The following FHIT variants were observed in gnomAD, a reference collection of about 807,000 sequenced individuals.
FHIT encodes bis(5'-adenosyl)-triphosphatase.
In FHIT, 19 loss-of-function variants were observed where a neutral mutation model predicts 17.9. The ratio of observed to expected loss-of-function variants is 1.06; its 90% CI spans 0.74 to 1.56. The LOEUF (loss-of-function observed/expected upper bound fraction) is 1.56, where lower values mean the gene tolerates loss of function less well. FHIT is among the 40% of genes most tolerant of loss of function. FHIT has a pLI of 0.00. For synonymous variants in FHIT, 81 were observed against 69.7 expected (o/e 1.16, Z -0.81); for missense variants, 248 against 189.2 (o/e 1.31, Z -1.82).
At chr3:60,967,775 A>G (rs1023467655) in intron 3 of FHIT, among the ~76,000 whole-genome samples, 1 of 152,146 alleles carries the variant, frequency 6.6e-6, no homozygotes, top group Non-Finnish European at 1.5e-5. Context: ...ATTACACTAG[A>G]CTTTCACTAT....
At chr3:59,880,676 A>C (rs1449699749) in intron 8 of FHIT, among the ~76,000 whole-genome samples, 2 of 152,204 alleles carry the variant, frequency 1.3e-5, no homozygotes, top group African/African-American at 4.8e-5. Flanking sequence ...TCACTTTATC[A>C]ATGTAAAGAG....
intron 5 of FHIT, among the ~76,000 whole-genome samples, chr3:60,330,208 G>A (rs1387015627): frequency 1.3e-5 from 2 of 152,168 alleles, no homozygotes; most frequent in East Asian, 1.9e-4. Context: ...GACAGAGCAA[G>A]TATTCCAGAC....
intron 4 of FHIT, among the ~76,000 whole-genome samples, chr3:60,781,081 C>A (rs1700371134): frequency 6.6e-6 from 1 of 152,190 alleles, no homozygotes; most frequent in Non-Finnish European, 1.5e-5. Context: ...TGCAACACCT[C>A]CAACAACTAA....
At chr3:60,065,739 A>G (rs1212028163) in intron 5 of FHIT, among the ~76,000 whole-genome samples, 1 of 152,124 alleles carries the variant, frequency 6.6e-6, no homozygotes, top group East Asian at 1.9e-4. Context: ...CCCATTGCTC[A>G]TTCCTAACAC....
intron 5 of FHIT, among the ~76,000 whole-genome samples, chr3:60,430,909 T>G (rs983791209): frequency 2.0e-5 from 3 of 151,998 alleles, no homozygotes; most frequent in South Asian, 2.1e-4. Context: ...AGATTGCTCC[T>G]TTTTCTCAGT....
In FHIT at chr3:59,749,258, G is replaced by A; in HGVS notation, c.*327C>T. The A allele has an allele frequency of 8.7e-6, 2 of 230,878 alleles. No homozygotes were observed. Among genetic ancestry groups the A allele is most frequent in the East Asian group, 1.2e-4 (2 of 16,334 alleles). The allele number at this position is 230,878 out of a possible 1,614,324, so 14.3% of individuals were successfully genotyped here. ...TTCCTTTAAAAAAGTAACTGTAACT[G>A]TAATAGGTTTGTTGCCTAATTCATG... On this transcript the variant is annotated 3_prime_UTR_variant, in exon 10 of 10. Coordinates refer to ENST00000492590, the MANE Select transcript of FHIT (RefSeq NM_002012.4).
At chr3:61,091,936 T>TAA (rs58005720) in intron 2 of FHIT, among the ~76,000 whole-genome samples, 7 of 61,292 alleles carry the variant, frequency 1.1e-4, no homozygotes, top group African/African-American at 3.7e-4. Flanking sequence ...AGACCTTGTC[T>TAA]AAAAAAAAAA....
chr3:60,911,371 G>GCACACACACACA (rs35183064), intron 3 of FHIT, among the ~76,000 whole-genome samples: 7 of 148,954 alleles, frequency 4.7e-5, no homozygotes, highest in African/African-American at 7.4e-5. Context: ...TTCTTTGCAT[G>GCACACACACACA]CACACACACA....
chr3:60,635,192 C>A (rs1249322748), intron 4 of FHIT, among the ~76,000 whole-genome samples: 1 of 152,164 alleles, frequency 6.6e-6, no homozygotes, highest in East Asian at 1.9e-4. Context: ...TTGTTAGAGT[C>A]AGAAATATAA....
chr3:61,084,939 A>G (rs6445191), intron 2 of FHIT, among the ~76,000 whole-genome samples: 4 of 151,940 alleles, frequency 2.6e-5, no homozygotes, highest in African/African-American at 7.3e-5. Context: ...TTCACTTCAC[A>G]TAATACTTTT....
intron 5 of FHIT, among the ~76,000 whole-genome samples, chr3:60,525,460 T>C (rs1364653039): frequency 6.6e-6 from 1 of 152,184 alleles, no homozygotes; most frequent in Non-Finnish European, 1.5e-5. Flanking sequence ...TTAAGATTTA[T>C]GTCATCTCTT....
chr3:60,466,136 T>G (rs2032778173), intron 5 of FHIT, among the ~76,000 whole-genome samples: 1 of 152,022 alleles, frequency 6.6e-6, no homozygotes, highest in African/African-American at 2.4e-5. Context: ...GGTAGTTGAT[T>G]TGTAGTTATT....
intron 5 of FHIT, among the ~76,000 whole-genome samples, chr3:60,080,416 T>G (rs1338990945): frequency 6.6e-6 from 1 of 152,108 alleles, no homozygotes; most frequent in Non-Finnish European, 1.5e-5. Context: ...CAGTCCCAGT[T>G]TCAAGTAAAT....
chr3:60,014,303 C>A, intron 5 of FHIT, 151 bp from the exon 6 acceptor site: 1 of 694,684 alleles, frequency 1.4e-6, no homozygotes, highest in Non-Finnish European at 2.3e-6. Flanking sequence ...ATCCACTGAA[C>A]TCCAGAGAGT....
chr3:59,804,279 T>C (rs1341751190), intron 8 of FHIT, among the ~76,000 whole-genome samples: 2 of 152,168 alleles, frequency 1.3e-5, no homozygotes, highest in African/African-American at 4.8e-5. Context: ...CGGTCAAGTT[T>C]GAAGATATTT....
intron 7 of FHIT, 58 bp from the exon 8 acceptor site, chr3:59,922,472 T>G: frequency 7.1e-7 from 1 of 1,413,992 alleles, no homozygotes; most frequent in East Asian, 2.3e-5. Context: ...TTTTTAGACT[T>G]GACAGTGATG....
At chr3:60,009,790 C>T (rs923000297) in intron 7 of FHIT, among the ~76,000 whole-genome samples, 2 of 152,170 alleles carry the variant, frequency 1.3e-5, no homozygotes, top group Non-Finnish European at 2.9e-5. Flanking sequence ...GAATCATTCC[C>T]CATTCCTTCC....
rs551246270 is a variant in FHIT, at chr3:60,543,533, T to C, written c.-17-6554A>G. Among the ~76,000 whole-genome samples the C allele has an allele frequency of 5.3e-5, 8 of 152,318 alleles. No individual in the cohort carries two copies. In the East Asian group the frequency reaches 1.5e-3, roughly 29 times the overall value. ...CTTGTAATAGAGTTTTAAATTTCCC[T>C]TATATGTTTTATGCATTCTATCTTA... On this transcript the variant is annotated intron_variant, in intron 4 of 9. Transcript: ENST00000492590.
intron 4 of FHIT, among the ~76,000 whole-genome samples, chr3:60,673,050 A>G (rs2040546290): frequency 6.6e-6 from 1 of 152,058 alleles, no homozygotes; most frequent in African/African-American, 2.4e-5. Flanking sequence ...TTTTACTTCT[A>G]TTTGCATTAT....
Sources: gnomAD v4.1 joint callset for allele counts (sites outside exome capture counted in the v4.1 genomes callset) on GRCh38, gnomAD v4.1.1 for gene constraint, MANE v1.5 for transcripts, NCBI Gene and HGNC (gene_info 2026-07-23, HGNC 2026-07-21) for gene names.